XPNPEP3: variants seen among roughly 807,000 people sequenced by gnomAD.
XPNPEP3 encodes the protein xaa-Pro aminopeptidase 3.
In XPNPEP3, 41 loss-of-function variants were observed where a neutral mutation model predicts 60.0. That is an observed-to-expected ratio of 0.68 (90% CI 0.53 to 0.89). The LOEUF is 0.89. Among genes scored for constraint, XPNPEP3 ranks in the 40% least tolerant of loss-of-function variants. The pLI, the probability that XPNPEP3 is intolerant of heterozygous loss-of-function variation, is 0.00. For missense variants in XPNPEP3, 598 were observed against 638.9 expected (o/e 0.94, Z 0.69); for synonymous variants, 212 against 223.2 (o/e 0.95, Z 0.45).
At chr22:40,877,879 C>T (rs78225131) in intron 2 of XPNPEP3, among the ~76,000 whole-genome samples, 1 of 151,996 alleles carries the variant, frequency 6.6e-6, no homozygotes, top group Non-Finnish European at 1.5e-5. Context: ...ATTTTTTTTC[C>T]TCCTTCACAT....
chr22:40,907,538 G>A, intron 4 of XPNPEP3, 49 bp from the exon 5 acceptor site: 1 of 1,564,926 alleles, frequency 6.4e-7, no homozygotes, highest in Non-Finnish European at 8.8e-7. Flanking sequence ...GTTTGAGTAA[G>A]CAACATAGAA....
chr22:40,886,621 C>A, intron 4 of XPNPEP3, 106 bp downstream of exon 4: 1 of 993,558 alleles, frequency 1.0e-6, no homozygotes, highest in Non-Finnish European at 1.5e-6. Flanking sequence ...GTCAGGAGAT[C>A]GAGACCATCC....
At chr22:40,918,234 T>C (rs971632240) in intron 7 of XPNPEP3, among the ~76,000 whole-genome samples, 6 of 151,656 alleles carry the variant, frequency 4.0e-5, no homozygotes, top group Non-Finnish European at 8.8e-5. Context: ...ATTGGCCAAC[T>C]ATGGTGGCGC....
intron 4 of XPNPEP3, chr22:40,907,190 G>C (rs1250872636): frequency 6.5e-6 from 3 of 458,106 alleles, no homozygotes; most frequent in South Asian, 4.6e-5. Context: ...GGGAGGCCAA[G>C]GTAGGCGGAT....
chr22:40,926,715 G>T lies in XPNPEP3; in HGVS notation c.*280G>T. 1 of 459,400 alleles carries T rather than the reference G, an allele frequency of 2.2e-6. No homozygotes were observed. Among genetic ancestry groups the T allele is most frequent in the Non-Finnish European group, 4.0e-6 (1 of 249,800 alleles). 28.5% of individuals were successfully genotyped at this position (459,400 alleles called of 1,614,324 possible). On this transcript the variant is annotated 3_prime_UTR_variant, in exon 10 of 10. Transcript: ENST00000357137. ...AGCAAGTTTAATTTTTAAACATAAA[G>T]GTCTTGGTTACACATGTCCATGCAT... is the stretch of plus-strand genomic sequence containing the variant.
intron 6 of XPNPEP3, among the ~76,000 whole-genome samples, chr22:40,911,473 T>C (rs1474978239): frequency 2.0e-5 from 3 of 146,344 alleles, no homozygotes; most frequent in Non-Finnish European, 3.0e-5. Flanking sequence ...GGCCTGATAT[T>C]TTCCTTCGTG....
chr22:40,904,852 C>A (rs2058148532), intron 4 of XPNPEP3, among the ~76,000 whole-genome samples: 1 of 149,838 alleles, frequency 6.7e-6, no homozygotes, highest in African/African-American at 2.5e-5. Flanking sequence ...GCCACCTCCA[C>A]CTTCCGGGTA....
chr22:40,918,675 C>G (rs538143355), intron 7 of XPNPEP3, among the ~76,000 whole-genome samples: 3 of 151,352 alleles, frequency 2.0e-5, no homozygotes, highest in Non-Finnish European at 4.4e-5. Flanking sequence ...CAGAACGAGA[C>G]TCCATCTCAA....
chr22:40,915,483 A>T (rs1162231553), intron 7 of XPNPEP3, among the ~76,000 whole-genome samples: 2 of 151,470 alleles, frequency 1.3e-5, no homozygotes, highest in African/African-American at 4.8e-5. Context: ...AACCCAGGGG[A>T]CGGAAGTTGC....
chr22:40,915,461 G>A (rs1476350412), intron 7 of XPNPEP3, among the ~76,000 whole-genome samples: 3 of 151,602 alleles, frequency 2.0e-5, no homozygotes, highest in East Asian at 3.9e-4. Context: ...GCTAAGGCAG[G>A]AGAATCGCTT....
chr22:40,857,212 G>A lies in XPNPEP3; in HGVS notation c.31G>A (p.Val11Ile). The change falls in exon 1 of 10, where the codon GTT becomes ATT. Residue 11 changes from valine (V) to isoleucine (I), a missense_variant. Coordinates refer to ENST00000357137, the MANE Select transcript of XPNPEP3 (RefSeq NM_022098.4). ...TTGGCTGCTCTCAGCCCCCAAGCTG[G>A]TTCCCGCTGTAGCAAACGTCCGCGG... MPWLLSAPKL[V>I]PAVANVRGLS... 6.2e-7 allele frequency: 1 copy of A among 1,614,226 alleles called. No individual in the cohort carries two copies.
chr22:40,873,989 C>A (rs887101940), intron 2 of XPNPEP3, among the ~76,000 whole-genome samples: 1 of 151,836 alleles, frequency 6.6e-6, no homozygotes, highest in Admixed American at 6.6e-5. Context: ...TAATTGTAGC[C>A]GTCTCTTGAG....
At chr22:40,862,626 A>G (rs1418573681) in intron 1 of XPNPEP3, 2 of 985,378 alleles carry the variant, frequency 2.0e-6, no homozygotes, top group Non-Finnish European at 2.4e-6. Flanking sequence ...GGGGGTGTCA[A>G]TGAAAGCCTC....
intron 3 of XPNPEP3, among the ~76,000 whole-genome samples, chr22:40,885,287 G>A (rs1184615654): frequency 6.6e-6 from 1 of 152,088 alleles, no homozygotes; most frequent in Non-Finnish European, 1.5e-5. Flanking sequence ...TAGGAATACT[G>A]TTTGTAGCCT....
At chr22:40,886,265 T>C in intron 3 of XPNPEP3, 48 bp from the exon 4 acceptor site, 2 of 1,581,564 alleles carry the variant, frequency 1.3e-6, no homozygotes, top group Non-Finnish European at 8.7e-7. Flanking sequence ...ATATTTCTTG[T>C]TGCTGGTAGT....
intron 6 of XPNPEP3, 33 bp downstream of exon 6, chr22:40,909,268 A>G (rs527275447): frequency 6.5e-7 from 1 of 1,549,224 alleles, no homozygotes; most frequent in South Asian, 1.1e-5. Context: ...TACTCCCACT[A>G]GGTCCAGATA....
intron 3 of XPNPEP3, among the ~76,000 whole-genome samples, chr22:40,885,452 T>G (rs1389877757): frequency 6.6e-6 from 1 of 152,228 alleles, no homozygotes; most frequent in African/African-American, 2.4e-5. Flanking sequence ...AGAGAATGTA[T>G]AGCAGATGCA....
At position 40,857,166 on chromosome 22, in the gene XPNPEP3, C is replaced by G; in HGVS notation, c.-16C>G. On this transcript the variant is annotated 5_prime_UTR_variant, in exon 1 of 10. Coordinates refer to ENST00000357137, the MANE Select transcript of XPNPEP3 (RefSeq NM_022098.4). ...CGTTACCCTCTTTCTCTTCCCGACG[C>G]GTGAGTTAGGCCGTAATGCCTTGGC... The G allele has an allele frequency of 6.2e-7, 1 of 1,614,094 alleles. No homozygotes were observed. Among genetic ancestry groups the G allele is most frequent in the East Asian group, 2.2e-5 (1 of 44,876 alleles).
intron 3 of XPNPEP3, among the ~76,000 whole-genome samples, chr22:40,882,882 A>C (rs553274592): frequency 6.6e-6 from 1 of 152,292 alleles, no homozygotes; most frequent in South Asian, 2.1e-4. Context: ...TCATTAATGG[A>C]GACTGTTACC....
Sources: gnomAD v4.1 joint callset for allele counts (sites outside exome capture counted in the v4.1 genomes callset) on GRCh38, gnomAD v4.1.1 for gene constraint, MANE v1.5 for transcripts, NCBI Gene and HGNC (gene_info 2026-07-23, HGNC 2026-07-21) for gene names.